LRMDA: variants seen among roughly 807,000 people sequenced by gnomAD.
LRMDA encodes the protein leucine-rich melanocyte differentiation-associated protein.
Under a neutral mutation model 29.8 loss-of-function variants are expected in LRMDA, and 18 were observed. That is an observed-to-expected ratio of 0.60 (90% CI 0.42 to 0.90). The LOEUF (loss-of-function observed/expected upper bound fraction) is 0.90, where lower values mean the gene tolerates loss of function less well. Among genes scored for constraint, LRMDA ranks in the 40% least tolerant of loss-of-function variants. The probability of loss-of-function intolerance (pLI) is 0.00; values close to 1 mark genes in which losing one functional copy is unlikely to be tolerated. For synonymous variants in LRMDA, 125 were observed against 109.4 expected (o/e 1.14, Z -0.89); for missense variants, 273 against 273.9 (o/e 1.00, Z 0.02).
chr10:75,637,069 A>G (rs1019763643), intron 2 of LRMDA, among the ~76,000 whole-genome samples: 3 of 152,196 alleles, frequency 2.0e-5, no homozygotes, highest in African/African-American at 7.2e-5. Context: ...GGAGGAGACA[A>G]TTGAGCAATT....
chr10:76,357,017 C>T (rs1190778487), intron 6 of LRMDA, among the ~76,000 whole-genome samples: 2 of 151,988 alleles, frequency 1.3e-5, no homozygotes, highest in Non-Finnish European at 2.9e-5. Flanking sequence ...AAGAAAGGTA[C>T]AACAAGATGT....
intron 6 of LRMDA, among the ~76,000 whole-genome samples, chr10:76,329,356 C>T (rs1293464011): frequency 1.3e-5 from 2 of 152,206 alleles, no homozygotes; most frequent in African/African-American, 4.8e-5. Flanking sequence ...TGTCTGCACG[C>T]ACATTTTGCA....
chr10:76,165,446 A>G (rs1850722389), intron 5 of LRMDA, among the ~76,000 whole-genome samples: 1 of 151,958 alleles, frequency 6.6e-6, no homozygotes, highest in Admixed American at 6.6e-5. Flanking sequence ...TAGCTTTTGT[A>G]TTTTTAGTAG....
chr10:75,655,005 T>G (rs1211963356), intron 2 of LRMDA, among the ~76,000 whole-genome samples: 1 of 152,240 alleles, frequency 6.6e-6, no homozygotes, highest in Admixed American at 6.5e-5. Flanking sequence ...GGACTGGATT[T>G]CCAAAACTCT....
chr10:75,650,244 G>A (rs560086550), intron 2 of LRMDA, among the ~76,000 whole-genome samples: 4 of 152,086 alleles, frequency 2.6e-5, no homozygotes, highest in South Asian at 2.1e-4. Context: ...AAGTTTTATC[G>A]TTTTCATTCT....
chr10:76,109,429 G>A (rs112186011), intron 5 of LRMDA, among the ~76,000 whole-genome samples: 2,083 of 152,168 alleles, frequency 0.014, 53 homozygotes, highest in African/African-American at 0.048. Context: ...CAATTTTTTC[G>A]TCCTCTGGGG....
chr10:76,391,223 T>G lies in LRMDA; in HGVS notation c.601+66738T>G, dbSNP rs527612151. ...AGTCTTCCTCTTTCTGTATAGCAAC[T>G]TAAGCTTATTTGAAGGTGGTTGTTC... On this transcript the variant is annotated intron_variant, in intron 6 of 6. Transcript: ENST00000611255. Among the ~76,000 whole-genome samples, 110 of 152,248 alleles carry G rather than the reference T, an allele frequency of 7.2e-4. No individual in the cohort carries two copies. The South Asian group carries it at 0.022, about 30-fold the overall frequency.
chr10:76,239,589 C>CTCTCTG (rs1260759628), intron 5 of LRMDA, among the ~76,000 whole-genome samples: 1 of 150,710 alleles, frequency 6.6e-6, no homozygotes, highest in Non-Finnish European at 1.5e-5. Flanking sequence ...CTCTGTTTCT[C>CTCTCTG]TCTCTGTCTC....
intron 2 of LRMDA, among the ~76,000 whole-genome samples, chr10:75,622,618 G>A (rs574252338): frequency 6.8e-4 from 104 of 152,268 alleles, no homozygotes; most frequent in African/African-American, 2.3e-3. Context: ...CTGGCTTAGG[G>A]AGTCACAGAC....
At chr10:76,021,346 C>T (rs1847971465) in intron 2 of LRMDA, among the ~76,000 whole-genome samples, 2 of 152,322 alleles carry the variant, frequency 1.3e-5, no homozygotes, top group African/African-American at 2.4e-5. Flanking sequence ...CTCAATCTTT[C>T]TGCAGATCTT....
intron 6 of LRMDA, among the ~76,000 whole-genome samples, chr10:76,416,624 G>A (rs998684003): frequency 2.0e-5 from 3 of 152,160 alleles, no homozygotes; most frequent in Admixed American, 1.3e-4. Flanking sequence ...CCACCTCCAT[G>A]GATATATAGG....
chr10:76,299,943 C>A (rs1330857402), intron 5 of LRMDA, among the ~76,000 whole-genome samples: 1 of 152,148 alleles, frequency 6.6e-6, no homozygotes, highest in Non-Finnish European at 1.5e-5. Context: ...AATAATACTT[C>A]CTCATACCTC....
chr10:76,336,419 G>A (rs539033806), intron 6 of LRMDA, among the ~76,000 whole-genome samples: 1 of 152,248 alleles, frequency 6.6e-6, no homozygotes, highest in South Asian at 2.1e-4. Flanking sequence ...AATACTCTCT[G>A]CAGAAGCATT....
At chr10:75,558,691 C>A (rs1321139385) in intron 2 of LRMDA, among the ~76,000 whole-genome samples, 5 of 149,094 alleles carry the variant, frequency 3.4e-5, no homozygotes, top group East Asian at 4.0e-4. Context: ...CTCCCCCCAC[C>A]CCACAACAGT....
intron 6 of LRMDA, among the ~76,000 whole-genome samples, chr10:76,400,780 T>A (rs1841839389): frequency 6.6e-6 from 1 of 152,176 alleles, no homozygotes; most frequent in African/African-American, 2.4e-5. Context: ...TGAGCTGCCA[T>A]CGTTCTATAC....
chr10:76,297,243 T>A (rs1840422447), intron 5 of LRMDA, among the ~76,000 whole-genome samples: 1 of 152,222 alleles, frequency 6.6e-6, no homozygotes, highest in African/African-American at 2.4e-5. Context: ...AATATTCCAC[T>A]CTTTGGAAAG....
At chr10:76,417,069 T>C (rs1842022665) in intron 6 of LRMDA, among the ~76,000 whole-genome samples, 1 of 152,208 alleles carries the variant, frequency 6.6e-6, no homozygotes, top group Non-Finnish European at 1.5e-5. Flanking sequence ...TAACATATCA[T>C]ATTTTACTCT....
chr10:76,478,747 G>T (rs1387301385), intron 6 of LRMDA, among the ~76,000 whole-genome samples: 1 of 152,008 alleles, frequency 6.6e-6, no homozygotes, highest in Non-Finnish European at 1.5e-5. Context: ...GTCCTTTGTA[G>T]GGACATGGAT....
chr10:76,118,274 T>C (rs1276617467), intron 5 of LRMDA, among the ~76,000 whole-genome samples: 2 of 152,072 alleles, frequency 1.3e-5, no homozygotes, highest in African/African-American at 4.8e-5. Context: ...GAGAGAGGAG[T>C]GGAGTTAATT....
Sources: gnomAD v4.1 joint callset for allele counts (sites outside exome capture counted in the v4.1 genomes callset) on GRCh38, gnomAD v4.1.1 for gene constraint, MANE v1.5 for transcripts, NCBI Gene and HGNC (gene_info 2026-07-23, HGNC 2026-07-21) for gene names.